The following AKAP6 variants were observed in gnomAD, a reference collection of about 807,000 sequenced individuals.
AKAP6 encodes A-kinase anchoring protein 6, also known as A-kinase anchor protein 6.
Under a neutral mutation model 188.5 loss-of-function variants are expected in AKAP6, and 58 were observed. The ratio of observed to expected loss-of-function variants is 0.31; its 90% CI spans 0.25 to 0.38. The LOEUF is 0.38. Ranked by LOEUF, AKAP6 falls within the 10% of genes least tolerant of loss-of-function variation. The pLI is 1.00. For missense variants in AKAP6, 2,710 were observed against 2,740.0 expected, an observed-to-expected ratio of 0.99 and a Z score of 0.24; for synonymous variants, 989 against 998.6, an observed-to-expected ratio of 0.99 and a Z score of 0.18.
chr14:32,362,763 T>C (rs925386321), intron 1 of AKAP6, among the ~76,000 whole-genome samples: 5 of 152,134 alleles, frequency 3.3e-5, no homozygotes, highest in Admixed American at 3.3e-4. Flanking sequence ...TTTATCCTAC[T>C]GAATAGGGAA....
intron 3 of AKAP6, among the ~76,000 whole-genome samples, chr14:32,544,574 T>C (rs1451619646): frequency 5.9e-5 from 9 of 152,098 alleles, no homozygotes; most frequent in Non-Finnish European, 4.4e-5. Flanking sequence ...GAGAAAAACA[T>C]GCAGAGGGAG....
intron 1 of AKAP6, among the ~76,000 whole-genome samples, chr14:32,425,706 C>T (rs545477364): frequency 3.0e-4 from 45 of 152,234 alleles, no homozygotes; most frequent in African/African-American, 1.0e-3. Context: ...TTGTTTTTCT[C>T]TTGTAAGTTT....
intron 1 of AKAP6, among the ~76,000 whole-genome samples, chr14:32,399,686 C>G (rs1889016261): frequency 6.6e-6 from 1 of 152,164 alleles, no homozygotes; most frequent in South Asian, 2.1e-4. Flanking sequence ...TCATACATTT[C>G]TTGTTGAGGA....
intron 9 of AKAP6, among the ~76,000 whole-genome samples, chr14:32,731,167 C>T (rs1410006869): frequency 6.6e-6 from 1 of 152,126 alleles, no homozygotes; most frequent in African/African-American, 2.4e-5. Flanking sequence ...GAGAAGTTTA[C>T]ATAATACAAG....
intron 1 of AKAP6, among the ~76,000 whole-genome samples, chr14:32,334,696 G>A (rs532861859): frequency 3.4e-4 from 51 of 152,166 alleles, no homozygotes; most frequent in Non-Finnish European, 5.6e-4. Context: ...TAATGAGGGG[G>A]ACTATTGCAG....
intron 1 of AKAP6, among the ~76,000 whole-genome samples, chr14:32,390,091 G>A (rs192009314): frequency 4.0e-5 from 6 of 151,898 alleles, no homozygotes; most frequent in South Asian, 2.1e-4. Context: ...GTTTGAATAC[G>A]TTGTCTTCGA....
At chr14:32,355,026 T>C (rs1887432256) in intron 1 of AKAP6, among the ~76,000 whole-genome samples, 1 of 152,200 alleles carries the variant, frequency 6.6e-6, no homozygotes, top group African/African-American at 2.4e-5. Flanking sequence ...CATTTCCTGC[T>C]TGCTACCCTA....
intron 7 of AKAP6, among the ~76,000 whole-genome samples, chr14:32,604,207 A>G (rs1393054220): frequency 1.3e-5 from 2 of 152,152 alleles, no homozygotes; most frequent in East Asian, 1.9e-4. Flanking sequence ...TTCATGTCAC[A>G]TTATGTGCAC....
intron 1 of AKAP6, among the ~76,000 whole-genome samples, chr14:32,399,478 AC>A (rs1889008288): frequency 6.6e-6 from 1 of 152,204 alleles, no homozygotes; most frequent in Non-Finnish European, 1.5e-5. Flanking sequence ...TTGTCACATT[AC>A]AGGAAAGAAT....
intron 7 of AKAP6, among the ~76,000 whole-genome samples, chr14:32,643,200 G>C (rs370749083): frequency 1.2e-4 from 19 of 152,168 alleles, no homozygotes; most frequent in African/African-American, 3.6e-4. Flanking sequence ...GGAATCAATG[G>C]TAAAACCCAT....
intron 2 of AKAP6, among the ~76,000 whole-genome samples, chr14:32,528,734 A>G (rs1319320328): frequency 6.6e-6 from 1 of 151,948 alleles, no homozygotes; most frequent in Non-Finnish European, 1.5e-5. Context: ...CTGGAGTGCA[A>G]TGGCGTGATC....
intron 7 of AKAP6, among the ~76,000 whole-genome samples, chr14:32,611,709 G>A (rs1886358856): frequency 6.6e-6 from 1 of 152,146 alleles, no homozygotes; most frequent in Non-Finnish European, 1.5e-5. Context: ...CAGAATGCTG[G>A]CAGCTGGGGA....
chr14:32,360,072 T>A (rs1489540119), intron 1 of AKAP6, among the ~76,000 whole-genome samples: 1 of 152,126 alleles, frequency 6.6e-6, no homozygotes, highest in Non-Finnish European at 1.5e-5. Context: ...AGCACCATAG[T>A]CATTAGTAAA....
intron 1 of AKAP6, among the ~76,000 whole-genome samples, chr14:32,427,117 G>T (rs1735216287): frequency 6.6e-6 from 1 of 152,026 alleles, no homozygotes; most frequent in African/African-American, 2.4e-5. Context: ...AATCTGTTTG[G>T]GCTCCCCTAT....
At chr14:32,798,547 A>G (rs2033844404) in intron 12 of AKAP6, among the ~76,000 whole-genome samples, 1 of 152,236 alleles carries the variant, frequency 6.6e-6, no homozygotes, top group Non-Finnish European at 1.5e-5. Context: ...CAGCCATAAA[A>G]AAGAATGAGA....
intron 12 of AKAP6, among the ~76,000 whole-genome samples, chr14:32,793,799 T>C (rs1039809221): frequency 2.0e-5 from 3 of 151,594 alleles, no homozygotes; most frequent in African/African-American, 7.3e-5. Context: ...TCAATAAAAC[T>C]GACTATCCTA....
intron 1 of AKAP6, among the ~76,000 whole-genome samples, chr14:32,354,062 C>T (rs976510612): frequency 6.6e-6 from 1 of 152,046 alleles, no homozygotes; most frequent in Non-Finnish European, 1.5e-5. Flanking sequence ...CAATGCCATC[C>T]CCATCAAGCT....
chr14:32,523,897 A>C (rs1881989747), intron 2 of AKAP6, among the ~76,000 whole-genome samples: 1 of 152,096 alleles, frequency 6.6e-6, no homozygotes, highest in African/African-American at 2.4e-5. Flanking sequence ...TTTAGAAAGT[A>C]AAGAGGACAG....
chr14:32,724,838 T>C lies in AKAP6; in HGVS notation c.3001-7616T>C, dbSNP rs2030761472. Among the ~76,000 whole-genome samples, 3 of 152,008 alleles carry C rather than the reference T, an allele frequency of 2.0e-5. No homozygotes were observed. The South Asian group carries it at 6.2e-4, about 32-fold the overall frequency. On this transcript the variant is annotated intron_variant, in intron 9 of 13. Transcript: ENST00000280979. ...AAATTTCTCTATTTTTTATTGACAC[T>C]GGAGGAAAAAATAGCACATTAAAAC...
Sources: allele counts gnomAD v4.1 joint callset (sites outside exome capture counted in the v4.1 genomes callset), GRCh38; gene constraint gnomAD v4.1.1; transcripts MANE v1.5; gene names NCBI Gene and HGNC (gene_info 2026-07-23, HGNC 2026-07-21).